The following SSBP1 variants were observed in gnomAD, a reference collection of about 807,000 sequenced individuals.
SSBP1 encodes single stranded DNA binding protein 1.
A neutral mutation model predicts 27.0 loss-of-function variants in SSBP1; 20 were observed. That is an observed-to-expected ratio of 0.74 (90% CI 0.52 to 1.08). The LOEUF is 1.08. Among genes scored for constraint, SSBP1 ranks in the 50% least tolerant of loss-of-function variants. The pLI is 0.00. For missense variants in SSBP1, 137 were observed against 182.4 expected (o/e 0.75, Z 1.44); for synonymous variants, 59 against 59.3 (o/e 1.00, Z 0.02).
At chr7:141,745,429 C>T (rs1799742838) in intron 5 of SSBP1, 67 bp from the exon 6 acceptor site, 3 of 1,382,624 alleles carry the variant, frequency 2.2e-6, no homozygotes, top group Admixed American at 4.2e-5. Context: ...CTCAGTACCA[C>T]CCTGACCTGA....
At chr7:141,741,873 C>A in intron 2 of SSBP1, 1 of 880,360 alleles carries the variant, frequency 1.1e-6, no homozygotes, top group Non-Finnish European at 1.4e-6. Flanking sequence ...TGTGTGCAAA[C>A]ACAGAAGTGC....
chr7:141,743,098 C>T (rs1799622468), intron 3 of SSBP1, among the ~76,000 whole-genome samples: 1 of 152,226 alleles, frequency 6.6e-6, no homozygotes, highest in Admixed American at 6.5e-5. Flanking sequence ...TGTGATCCGC[C>T]CGCCTTGGCC....
intron 6 of SSBP1, 113 bp downstream of exon 6, chr7:141,745,697 C>A (rs1443839639): frequency 6.8e-7 from 1 of 1,466,102 alleles, no homozygotes. Flanking sequence ...TGAGTTAAGG[C>A]AACTCACTAG....
At chr7:141,745,454 A>G (rs1463513873) in intron 5 of SSBP1, 42 bp from the exon 6 acceptor site, 2 of 1,520,578 alleles carry the variant, frequency 1.3e-6, no homozygotes, top group South Asian at 2.4e-5. Flanking sequence ...TATAAAGCAT[A>G]TTAAGATCTC....
Position 141,749,699 on chromosome 7 carries a change from T to C in SSBP1, c.404-612T>C, listed in dbSNP as rs936460929. ...GGAGAGGCTGAGGCAGGAGAATCGCTTGAACCCAGGAGGCAGAGGTTGCAG... is the reference window on the plus strand; with the variant it reads ...GGAGAGGCTGAGGCAGGAGAATCGCCTGAACCCAGGAGGCAGAGGTTGCAG... On this transcript the variant is annotated intron_variant, in intron 6 of 6. Transcript: ENST00000265304. 2.0e-5 allele frequency among the ~76,000 whole-genome samples: 3 copies of C among 152,256 alleles called. No homozygotes were observed. In the East Asian group the frequency reaches 5.8e-4, roughly 29 times the overall value.
At chr7:141,740,726 T>C (rs1799494003) in intron 2 of SSBP1, 1 of 152,214 alleles carries the variant, frequency 6.6e-6, no homozygotes, top group East Asian at 1.9e-4. Context: ...AAGAACCAAA[T>C]TTATTAGACC....
chr7:141,746,916 G>T (rs1799812935), intron 6 of SSBP1, among the ~76,000 whole-genome samples: 1 of 152,028 alleles, frequency 6.6e-6, no homozygotes, highest in Non-Finnish European at 1.5e-5. Context: ...TACCAGTTCA[G>T]CATTTGGAAA....
intron 2 of SSBP1, chr7:141,740,202 T>C (rs146397296): frequency 6.6e-6 from 1 of 152,246 alleles, no homozygotes; most frequent in Non-Finnish European, 1.5e-5. Flanking sequence ...CTCATATCTT[T>C]ATTTTCTTAT....
Position 141,743,142 on chromosome 7 carries a change from C to T in SSBP1, c.86-419C>T, listed in dbSNP as rs557696251. Among the ~76,000 whole-genome samples, 34 of 152,312 alleles carry T rather than the reference C, an allele frequency of 2.2e-4. No homozygotes were observed. The South Asian group carries it at 2.5e-3, about 11-fold the overall frequency. On this transcript the variant is annotated intron_variant, in intron 3 of 6. Transcript: ENST00000265304. ...TGCTGGGATTACAGGCGTGAGCCAC[C>T]GCGCCCAGCCAGGTGTGGATTTCTT...
intron 2 of SSBP1, 59 bp from the exon 3 acceptor site, chr7:141,742,110 T>A: frequency 7.9e-7 from 1 of 1,265,474 alleles, no homozygotes; most frequent in East Asian, 2.3e-5. Context: ...GTAATTCTTC[T>A]GTTTGCATTT....
chr7:141,742,900 G>C (rs1179905027), intron 3 of SSBP1, among the ~76,000 whole-genome samples: 2 of 152,174 alleles, frequency 1.3e-5, no homozygotes, highest in Non-Finnish European at 2.9e-5. Context: ...TGTCGCCCAG[G>C]CTGGAGTGCA....
At chr7:141,747,524 G>A (rs1416851478) in intron 6 of SSBP1, among the ~76,000 whole-genome samples, 5 of 150,872 alleles carry the variant, frequency 3.3e-5, no homozygotes, top group Admixed American at 1.3e-4. Flanking sequence ...TGAGTAGCTG[G>A]GACTACAGGC....
At chr7:141,739,067 G>C in intron 1 of SSBP1, 57 bp from the exon 2 acceptor site, 1 of 1,028,826 alleles carries the variant, frequency 9.7e-7, no homozygotes, top group South Asian at 1.7e-5. Context: ...GGACTGGTGA[G>C]TTGTACTTTT....
chr7:141,742,728 A>G (rs1053353189), intron 3 of SSBP1, among the ~76,000 whole-genome samples: 3 of 152,158 alleles, frequency 2.0e-5, no homozygotes, highest in Admixed American at 6.5e-5. Context: ...CTTCTCTCGC[A>G]ACCTCTCCTT....
intron 6 of SSBP1, chr7:141,746,611 A>G (rs761866176): frequency 1.3e-5 from 2 of 151,860 alleles, no homozygotes; most frequent in Admixed American, 6.6e-5. Flanking sequence ...CTCCCCAAAT[A>G]CTGGAATTAC....
rs1033327139 is a variant in SSBP1 at position 141,743,467 on chromosome 7, G to A, written c.86-94G>A. 12 of 1,431,198 alleles carry A rather than the reference G, an allele frequency of 8.4e-6. No individual in the cohort carries two copies. The Admixed American group carries it at 9.8e-5, about 12-fold the overall frequency. 88.7% of individuals were successfully genotyped at this position (1,431,198 alleles called of 1,614,324 possible). A position where few individuals can be genotyped will look rare whatever the true frequency, so the allele number is the denominator to read the frequency against. On this transcript the variant is annotated intron_variant, in intron 3 of 6. Coordinates refer to ENST00000265304, the MANE Select transcript of SSBP1 (RefSeq NM_003143.3). ...CCACTTCCAAATACCATTACATTGA[G>A]GGTTAGAGCTTCAACATACAAATTT...
chr7:141,744,806 T>G (rs1176558632), intron 5 of SSBP1, among the ~76,000 whole-genome samples: 2 of 152,052 alleles, frequency 1.3e-5, no homozygotes, highest in Non-Finnish European at 2.9e-5. Flanking sequence ...GATTGATGGG[T>G]GTGTGTGTGG....
At position 141,743,511 on chromosome 7, in the gene SSBP1, T is replaced by G. The variant is rs766471327; in HGVS notation, c.86-50T>G. On this transcript the variant is annotated intron_variant, in intron 3 of 6. Coordinates refer to ENST00000265304, the MANE Select transcript of SSBP1 (RefSeq NM_003143.3). ...CAAATTTTGGGGGAAGGGGCACAAC[T>G]ATTCAGTCTATAGCAGGTTGTCTCA... 3.8e-6 allele frequency: 6 copies of G among 1,594,902 alleles called. 1 individual carries two copies. Among genetic ancestry groups the G allele is most frequent in the Middle Eastern group, 1.7e-4 (1 of 5,962 alleles).
At chr7:141,743,085 C>A (rs560234241) in intron 3 of SSBP1, among the ~76,000 whole-genome samples, 1 of 152,182 alleles carries the variant, frequency 6.6e-6, no homozygotes, top group Non-Finnish European at 1.5e-5. Flanking sequence ...TCTCTCCTGA[C>A]CTTGTGATCC....
Sources: gnomAD v4.1 joint callset for allele counts (sites outside exome capture counted in the v4.1 genomes callset) on GRCh38, gnomAD v4.1.1 for gene constraint, MANE v1.5 for transcripts, NCBI Gene and HGNC (gene_info 2026-07-23, HGNC 2026-07-21) for gene names.